PARD3B: variants seen among roughly 807,000 people sequenced by gnomAD.
PARD3B encodes the protein par-3 family cell polarity regulator beta.
Under a neutral mutation model 130.2 loss-of-function variants are expected in PARD3B, and 103 were observed. The observed-to-expected ratio is 0.79, with a 90% confidence interval of 0.67 to 0.93. The LOEUF is 0.93. PARD3B is among the 40% of genes least tolerant of loss of function. The probability of loss-of-function intolerance (pLI) is 0.00; values close to 1 mark genes in which losing one functional copy is unlikely to be tolerated. For synonymous variants in PARD3B, 583 were observed against 553.2 expected, an observed-to-expected ratio of 1.05 and a Z score of -0.76; for missense variants, 1,609 against 1,499.2, an observed-to-expected ratio of 1.07 and a Z score of -1.21.
In PARD3B at chr2:204,915,776, G is replaced by A. The variant is rs192796648; in HGVS notation, c.223-49376G>A. Among the ~76,000 whole-genome samples, 285 of 152,176 alleles carry A rather than the reference G, an allele frequency of 1.9e-3. 1 individual carries two copies. Among genetic ancestry groups the A allele is most frequent in the African/African-American group, 6.4e-3 (264 of 41,518 alleles). ...GGCTAATTAATACTCGAGGCACCCT[G>A]TTCACTAGGTTTTTCTGTGGTTTCA... On this transcript the variant is annotated intron_variant, in intron 2 of 22. Transcript: ENST00000406610.
chr2:205,223,977 T>A (rs2038379483), intron 15 of PARD3B, among the ~76,000 whole-genome samples: 1 of 149,454 alleles, frequency 6.7e-6, no homozygotes, highest in East Asian at 2.0e-4. Flanking sequence ...GCAGGAGAAA[T>A]GGCATGAACC....
intron 3 of PARD3B, among the ~76,000 whole-genome samples, chr2:205,045,117 T>G (rs537937873): frequency 4.6e-5 from 7 of 151,616 alleles, no homozygotes; most frequent in East Asian, 3.9e-4. Flanking sequence ...TTAAAGTTTT[T>G]TTTTTTTTTT....
At chr2:204,995,004 A>G (rs1694032975) in intron 3 of PARD3B, among the ~76,000 whole-genome samples, 2 of 151,188 alleles carry the variant, frequency 1.3e-5, no homozygotes, top group South Asian at 4.2e-4. Context: ...TCCTGAATAC[A>G]GCACACTGAT....
Position 205,229,291 on chromosome 2 carries a change from G to T in PARD3B, c.2141-16487G>T, listed in dbSNP as rs1452681802. Among the ~76,000 whole-genome samples, 2 of 152,122 alleles carry T rather than the reference G, an allele frequency of 1.3e-5. No individual in the cohort carries two copies. Among genetic ancestry groups the T allele is most frequent in the African/African-American group, 4.8e-5 (2 of 41,430 alleles). On this transcript the variant is annotated intron_variant, in intron 15 of 22. Transcript: ENST00000406610. This position sits in a 1 kb window ranked among gnomAD's most constrained non-coding sequence, Gnocchi z 5.2. ...CGGTTCTTGGGGTCATCAATTCCAC[G>T]CTTTGGCTCTTCAAGGGAATTGAGT...
At chr2:204,842,502 G>T (rs564084590) in intron 2 of PARD3B, among the ~76,000 whole-genome samples, 1 of 152,220 alleles carries the variant, frequency 6.6e-6, no homozygotes, top group Non-Finnish European at 1.5e-5. Flanking sequence ...ATTATAAAAG[G>T]TAAGAGGATC....
intron 10 of PARD3B, among the ~76,000 whole-genome samples, chr2:205,135,977 T>C (rs1366345627): frequency 6.6e-6 from 1 of 152,182 alleles, no homozygotes; most frequent in Admixed American, 6.5e-5. Context: ...ACATTTAATA[T>C]TGTTATGTCT....
At chr2:204,721,839 A>G (rs1226088605) in intron 2 of PARD3B, among the ~76,000 whole-genome samples, 1 of 152,078 alleles carries the variant, frequency 6.6e-6, no homozygotes, top group African/African-American at 2.4e-5. Context: ...TGAACTTTTA[A>G]TTCAATAAGT....
At chr2:204,771,514 AG>A (rs1046460976) in intron 2 of PARD3B, among the ~76,000 whole-genome samples, 23 of 152,210 alleles carry the variant, frequency 1.5e-4, no homozygotes, top group African/African-American at 5.3e-4. Flanking sequence ...GACACTAAGG[AG>A]TACTAGGGCA....
chr2:205,532,038 A>G (rs1414660314), intron 21 of PARD3B, among the ~76,000 whole-genome samples: 4 of 152,170 alleles, frequency 2.6e-5, no homozygotes, highest in Non-Finnish European at 2.9e-5. Flanking sequence ...AGCAATAATC[A>G]GTGAGTGAAA....
At position 205,059,909 on chromosome 2, in the gene PARD3B, A is replaced by T. The variant is rs139632065; in HGVS notation, c.504+12219A>T. On this transcript the variant is annotated intron_variant, in intron 4 of 22. Transcript: ENST00000406610. ...AGTTCATGTCAGTCGTGGACACTTA[A>T]TTATTAATATATGTGTTCAAATATA... Among the ~76,000 whole-genome samples, 950 of 152,186 alleles carry T rather than the reference A, an allele frequency of 6.2e-3. 11 individuals are homozygous for T. The highest frequency in any genetic ancestry group is 0.022 in the African/African-American group (912 of 41,542).
At position 205,124,414 on chromosome 2, in the gene PARD3B, A is replaced by G; in HGVS notation, c.1253A>G (p.Lys418Arg). The G allele has an allele frequency of 1.2e-6, 2 of 1,607,828 alleles. No homozygotes were observed. The highest frequency in any genetic ancestry group is 1.3e-5 in the African/African-American group (1 of 74,898). ...ATTTTTGTAAAAAACATTTTACCAA[A>G]GGGAGCAGCAATAAAAGATGGCCGC... is the stretch of plus-strand genomic sequence containing the variant. ...GPIFVKNILP[K>R]GAAIKDGRLQ... Residue 418 changes from lysine to arginine, a missense_variant, in exon 9 of 23, where the codon AAG becomes AGG. Transcript: ENST00000406610.
intron 2 of PARD3B, among the ~76,000 whole-genome samples, chr2:204,860,970 C>T (rs1287446719): frequency 6.6e-6 from 1 of 151,996 alleles, no homozygotes; most frequent in East Asian, 1.9e-4. Context: ...TAGAGTTTTC[C>T]CTGCAAATGC....
chr2:205,455,116 C>T (rs772126360), intron 20 of PARD3B, among the ~76,000 whole-genome samples: 2 of 152,022 alleles, frequency 1.3e-5, no homozygotes, highest in African/African-American at 4.8e-5. Context: ...AAAGCCAAAC[C>T]TTCTTGATTT....
At chr2:205,503,000 CCTCCCCT>C (rs771235488) in intron 21 of PARD3B, among the ~76,000 whole-genome samples, 4,415 of 149,144 alleles carry the variant, frequency 0.03, 147 homozygotes, top group South Asian at 0.12. Flanking sequence ...TCCCTTATCC[CCTCCCCT>C]CTCCCCTCTC....
chr2:204,566,332 G>A (rs190010634), intron 1 of PARD3B, among the ~76,000 whole-genome samples: 2 of 152,198 alleles, frequency 1.3e-5, no homozygotes. Flanking sequence ...CATTTGAGGA[G>A]TTACTGTGTC....
chr2:205,278,943 C>T (rs902593817), intron 16 of PARD3B, among the ~76,000 whole-genome samples: 1 of 151,278 alleles, frequency 6.6e-6, no homozygotes, highest in Non-Finnish European at 1.5e-5. Context: ...TGATGGCGGG[C>T]GTCTGTAATC....
chr2:205,525,109 A>G lies in PARD3B; in HGVS notation c.3180+25078A>G, dbSNP rs138003416. On this transcript the variant is annotated intron_variant, in intron 21 of 22. Coordinates refer to ENST00000406610, the MANE Select transcript of PARD3B (RefSeq NM_001302769.2). This position sits in a 1 kb window ranked among gnomAD's most constrained non-coding sequence, Gnocchi z 4.2. ...CACAAAGGCTATTTTCTTAGCTGCA[A>G]CTTTCTTATTCACACACAGTAAAGC... 3.8e-3 allele frequency among the ~76,000 whole-genome samples: 578 copies of G among 152,314 alleles called. 2 individuals carry two copies. The highest frequency in any genetic ancestry group is 0.013 in the African/African-American group (538 of 41,566).
intron 3 of PARD3B, among the ~76,000 whole-genome samples, chr2:204,996,727 A>C (rs1220107531): frequency 2.7e-5 from 4 of 149,526 alleles, no homozygotes; most frequent in African/African-American, 9.9e-5. Flanking sequence ...GCTAGCAATC[A>C]GCGAGATTCC....
intron 10 of PARD3B, among the ~76,000 whole-genome samples, chr2:205,140,172 C>T (rs998145652): frequency 2.0e-5 from 3 of 152,188 alleles, no homozygotes; most frequent in Admixed American, 1.3e-4. Flanking sequence ...GTGAAAGGCC[C>T]CTCGCTGTGT....
Sources: allele counts gnomAD v4.1 joint callset (sites outside exome capture counted in the v4.1 genomes callset), GRCh38; gene constraint gnomAD v4.1.1; non-coding constraint Gnocchi (gnomAD v3.1); transcripts MANE v1.5; gene names NCBI Gene and HGNC (gene_info 2026-07-23, HGNC 2026-07-21).